Variants in MYB observed in about 807,000 individuals in gnomAD.
MYB encodes transcriptional activator Myb.
In MYB, 28 loss-of-function variants were observed where a neutral mutation model predicts 92.9. The observed-to-expected ratio is 0.30, with a 90% CI of 0.22 to 0.41. The LOEUF (loss-of-function observed/expected upper bound fraction) is 0.41, where lower values mean the gene tolerates loss of function less well. Among genes scored for constraint, MYB ranks in the 10% least tolerant of loss-of-function variants. The pLI is 1.00. For synonymous variants in MYB, 295 were observed against 329.1 expected, an observed-to-expected ratio of 0.90 and a Z score of 1.12; for missense variants, 679 against 929.3, an observed-to-expected ratio of 0.73 and a Z score of 3.50.
At chr6:135,212,336 G>T (rs1235360011) in intron 15 of MYB, among the ~76,000 whole-genome samples, 2 of 148,260 alleles carry the variant, frequency 1.3e-5, no homozygotes, top group Non-Finnish European at 3.0e-5. Context: ...AGCAGATACT[G>T]GGTGAAGTTG....
In MYB at chr6:135,218,114, C is replaced by A; in HGVS notation, c.*134C>A. ...TGTGGTACAACAGTTGAGAGCAGCACCAAGTGCATTTAGTTGAATGAAGTC... is the reference window on the plus strand; with the variant it reads ...TGTGGTACAACAGTTGAGAGCAGCAACAAGTGCATTTAGTTGAATGAAGTC... On this transcript the variant is annotated 3_prime_UTR_variant, in exon 16 of 16. Transcript: ENST00000341911. 1 of 660,420 alleles carries A rather than the reference C, an allele frequency of 1.5e-6. No individual in the cohort carries two copies. Among genetic ancestry groups the A allele is most frequent in the Admixed American group, 2.8e-5 (1 of 35,982 alleles). The allele number at this position is 660,420 out of a possible 1,614,324, so 40.9% of individuals were successfully genotyped here.
chr6:135,213,847 C>T (rs1210177303), intron 15 of MYB, among the ~76,000 whole-genome samples: 1 of 152,094 alleles, frequency 6.6e-6, no homozygotes, highest in African/African-American at 2.4e-5. Flanking sequence ...ATCATGCCAG[C>T]CTGGGCAAGG....
Position 135,195,155 on chromosome 6 carries a change from C to T in MYB, c.949-593C>T. On this transcript the variant is annotated intron_variant, in intron 8 of 15. Coordinates refer to ENST00000341911, the MANE Select transcript of MYB (RefSeq NM_001130173.2). ...TTATGTGCACATGCTAGTTCGACCA[C>T]TTTTTAACTTTAGTTAATGTTTTGC... 6.3e-6 allele frequency: 7 copies of T among 1,117,138 alleles called. No individual in the cohort carries two copies. The South Asian group carries it at 9.4e-5, about 15-fold the overall frequency. The allele number at this position is 1,117,138 out of a possible 1,614,324, so 69.2% of individuals were successfully genotyped here. A position where few individuals can be genotyped will look rare whatever the true frequency, so the allele number is the denominator to read the frequency against.
At chr6:135,216,594 A>C (rs1780472331) in intron 15 of MYB, among the ~76,000 whole-genome samples, 1 of 152,146 alleles carries the variant, frequency 6.6e-6, no homozygotes, top group African/African-American at 2.4e-5. Flanking sequence ...TTTTTTTCTG[A>C]ATATTTTTGA....
intron 14 of MYB, among the ~76,000 whole-genome samples, chr6:135,202,215 G>A (rs1778202834): frequency 6.6e-6 from 1 of 152,128 alleles, no homozygotes. Flanking sequence ...AATTTGTGAA[G>A]GGTTGTCCTT....
chr6:135,216,891 G>A (rs1780523781), intron 15 of MYB, among the ~76,000 whole-genome samples: 1 of 152,194 alleles, frequency 6.6e-6, no homozygotes, highest in South Asian at 2.1e-4. Flanking sequence ...CTACAGAGTG[G>A]CCTTGGGCAA....
At chr6:135,196,675 C>A in intron 9 of MYB, 1 of 1,221,344 alleles carries the variant, frequency 8.2e-7, no homozygotes, top group Middle Eastern at 2.0e-4. Flanking sequence ...TGACCATTGC[C>A]GTAATATGCC....
chr6:135,203,997 A>G, intron 15 of MYB: 1 of 751,398 alleles, frequency 1.3e-6, no homozygotes, highest in Non-Finnish European at 1.7e-6. Context: ...TATTTAAAGC[A>G]GTTTCTGACA....
chr6:135,198,759 C>A, intron 10 of MYB, 149 bp from the exon 11 acceptor site: 1 of 611,298 alleles, frequency 1.6e-6, no homozygotes, highest in Non-Finnish European at 2.7e-6. Context: ...AAACAATACC[C>A]TAGTCAATAT....
At chr6:135,203,740 CA>C in intron 15 of MYB, 1 of 1,362,544 alleles carries the variant, frequency 7.3e-7, no homozygotes, top group Middle Eastern at 2.0e-4. Context: ...GAGACTGTTC[CA>C]ATTTTAAATG....
intron 2 of MYB, 73 bp downstream of exon 2, chr6:135,186,093 A>C: frequency 7.8e-7 from 1 of 1,274,288 alleles, no homozygotes; most frequent in Non-Finnish European, 1.1e-6. Context: ...ATTTCAACTA[A>C]ACTACAGGTG....
chr6:135,198,232 A>G (rs1295849189), intron 10 of MYB, among the ~76,000 whole-genome samples: 1 of 152,232 alleles, frequency 6.6e-6, no homozygotes, highest in African/African-American at 2.4e-5. Flanking sequence ...GCTTAAGCAC[A>G]GGAGTTCAAG....
chr6:135,213,489 T>C (rs543944565), intron 15 of MYB, among the ~76,000 whole-genome samples: 1 of 152,126 alleles, frequency 6.6e-6, no homozygotes, highest in Non-Finnish European at 1.5e-5. Flanking sequence ...AGATTTCAAG[T>C]TGAAAATAGA....
At position 135,196,998 on chromosome 6, in the gene MYB, T is replaced by G; in HGVS notation, c.1241T>G (p.Phe414Cys). 6.2e-7 allele frequency: 1 copy of G among 1,613,908 alleles called. No homozygotes were observed. Among genetic ancestry groups the G allele is most frequent in the African/African-American group, 1.3e-5 (1 of 75,024 alleles). The change falls in exon 10 of 16, where the codon TTC (phenylalanine) becomes TGC (cysteine). Residue 414 changes from phenylalanine to cysteine, a missense_variant. By Grantham distance (205) the Phe-to-Cys change is radical (BLOSUM62 -2). Coordinates refer to ENST00000341911, the MANE Select transcript of MYB (RefSeq NM_001130173.2). Reference protein sequence around the residue: ...SSWCDLSSFEFFEEADFSPSQ... With the variant: ...SSWCDLSSFECFEEADFSPSQ... Reference sequence around the variant, plus strand: ...TGGTGTGATCTCAGCAGTTTTGAATTCTTTGAAGAAGCAGATTTTTCACCT... The same window carrying G: ...TGGTGTGATCTCAGCAGTTTTGAATGCTTTGAAGAAGCAGATTTTTCACCT...
chr6:135,192,485 C>T lies in MYB; in HGVS notation c.689C>T (p.Ala230Val). 6.2e-7 allele frequency: 1 copy of T among 1,614,252 alleles called. No individual in the cohort carries two copies. Among genetic ancestry groups the T allele is most frequent in the Non-Finnish European group, 8.5e-7 (1 of 1,180,042 alleles). Reference sequence around the variant, plus strand: ...GGTTTTGCTCAGGCTCCGCCTACAGCTCAACTCCCTGCCACTGGCCAGCCC... The same window carrying T: ...GGTTTTGCTCAGGCTCCGCCTACAGTTCAACTCCCTGCCACTGGCCAGCCC... Reference protein sequence around the residue: ...LMGFAQAPPTAQLPATGQPTV... With the variant: ...LMGFAQAPPTVQLPATGQPTV... The change falls in exon 6 of 16, where the codon GCT becomes GTT. Residue 230 changes from alanine to valine, a missense_variant. Around this residue, in one of 8 missense-constraint regions of MYB, gnomAD observed 32 missense variants for 29.9 expected, o/e 1.07. Transcript: ENST00000341911.
Position 135,205,229 on chromosome 6 carries a change from CT to C in MYB, c.2169+1921del, listed in dbSNP as rs1219667393. Among the ~76,000 whole-genome samples, 716 of 134,544 alleles carry C rather than the reference CT, an allele frequency of 5.3e-3. 1 individual carries two copies. The highest frequency in any genetic ancestry group is 7.6e-3 in the Middle Eastern group (2 of 262). 88.3% of individuals were successfully genotyped at this position (134,544 alleles called of 152,430 possible). On this transcript the variant is annotated intron_variant, in intron 15 of 15. Coordinates refer to ENST00000341911, the MANE Select transcript of MYB (RefSeq NM_001130173.2). ...CTTAGGTCCAGAAGAAAAGCTTTTG[CT>C]TTTTTTTTTTTTTTTAATTATTCCC... is the stretch of plus-strand genomic sequence containing the variant.
At chr6:135,217,755 C>A (rs1415202198) in intron 15 of MYB, 109 bp from the exon 16 acceptor site, 8 of 775,240 alleles carry the variant, frequency 1.0e-5, no homozygotes, top group Admixed American at 4.1e-5. Context: ...TCTGACAAAG[C>A]CTTCCTGGTG....
In MYB at chr6:135,181,835, G is replaced by A. The variant is rs1407375010; in HGVS notation, c.23+299G>A. 6.6e-6 allele frequency among the ~76,000 whole-genome samples: 1 copy of A among 152,256 alleles called. No homozygotes were observed. The highest frequency in any genetic ancestry group is 1.5e-5 in the Non-Finnish European group (1 of 68,048). On this transcript the variant is annotated intron_variant, in intron 1 of 15. Coordinates refer to ENST00000341911, the MANE Select transcript of MYB (RefSeq NM_001130173.2). This position sits in a 1 kb window ranked among gnomAD's most constrained non-coding sequence, Gnocchi z 5.3. ...AGAAAGCACGTTCCAGCCGAGGGCA[G>A]AGCGGTGCCCACCAGCCCCGGGGAG...
At position 135,217,850 on chromosome 6, in the gene MYB, C is replaced by A. The variant is rs1480210804; in HGVS notation, c.2170-14C>A. 6.4e-7 allele frequency: 1 copy of A among 1,562,282 alleles called. No individual in the cohort carries two copies. Among genetic ancestry groups the A allele is most frequent in the Non-Finnish European group, 8.8e-7 (1 of 1,133,000 alleles). On this transcript the variant is annotated splice_polypyrimidine_tract_variant and intron_variant, in intron 15 of 15. Coordinates refer to ENST00000341911, the MANE Select transcript of MYB (RefSeq NM_001130173.2). The stretch of plus-strand genomic sequence containing the variant: ...TTTGTCTGACGCTCCTGTTGCCATC[C>A]CTTTCTCCATCAGCCTTGTAGCAGT...
Sources: gnomAD v4.1 joint callset for allele counts (sites outside exome capture counted in the v4.1 genomes callset) on GRCh38, gnomAD v4.1.1 for gene constraint, gnomAD v4.1.1 regional missense constraint, Gnocchi (gnomAD v3.1) non-coding constraint, MANE v1.5 for transcripts, NCBI Gene and HGNC (gene_info 2026-07-23, HGNC 2026-07-21) for gene names.